CFAP91: variants seen among roughly 807,000 people sequenced by gnomAD.
CFAP91 encodes the protein cilia and flagella associated protein 91.
CFAP91 carries 85 observed loss-of-function variants against 95.9 expected under a neutral mutation model. The ratio of observed to expected loss-of-function variants is 0.89; its 90% CI spans 0.74 to 1.06. The LOEUF is 1.06. CFAP91 is among the 50% of genes least tolerant of loss of function. The pLI is 0.00. For missense variants in CFAP91, 962 were observed against 943.4 expected (o/e 1.02, Z -0.26); for synonymous variants, 335 against 327.5 (o/e 1.02, Z -0.25).
At chr3:119,753,256 A>T (rs1443315882) in intron 17 of CFAP91, among the ~76,000 whole-genome samples, 1 of 152,090 alleles carries the variant, frequency 6.6e-6, no homozygotes, top group African/African-American at 2.4e-5. Context: ...AACAAGGGGG[A>T]CAAAAAACTT....
intron 6 of CFAP91, among the ~76,000 whole-genome samples, chr3:119,725,639 C>T (rs1559754514): frequency 6.6e-6 from 1 of 151,914 alleles, no homozygotes; most frequent in Admixed American, 6.6e-5. Context: ...TGCCAGTAGT[C>T]CCAGCTACTT....
intron 10 of CFAP91, among the ~76,000 whole-genome samples, chr3:119,734,993 T>G (rs67809845): frequency 0.32 from 48,589 of 152,106 alleles, 9,485 homozygotes; most frequent in Non-Finnish European, 0.44. Context: ...GTAAATTTTT[T>G]TTTATAAATT....
At chr3:119,739,354 A>G (rs1333124371) in intron 12 of CFAP91, 28 bp downstream of exon 12, 1 of 1,607,536 alleles carries the variant, frequency 6.2e-7, no homozygotes, top group African/African-American at 1.3e-5. Flanking sequence ...CTGGCCCTGC[A>G]TTTCTCTTTT....
At chr3:119,727,747 G>C (rs1379335000) in intron 7 of CFAP91, among the ~76,000 whole-genome samples, 4 of 152,176 alleles carry the variant, frequency 2.6e-5, no homozygotes, top group Non-Finnish European at 5.9e-5. Context: ...CCAGGTGAAA[G>C]AACAGTTAGT....
chr3:119,732,621 T>C (rs141935252), intron 9 of CFAP91, 145 bp downstream of exon 9: 3 of 607,682 alleles, frequency 4.9e-6, no homozygotes, highest in Non-Finnish European at 5.6e-6. Flanking sequence ...CAATAAAAAC[T>C]ACTAAGACCC....
At chr3:119,763,815 T>C (rs2054580797) in intron 17 of CFAP91, among the ~76,000 whole-genome samples, 1 of 151,750 alleles carries the variant, frequency 6.6e-6, no homozygotes, top group Non-Finnish European at 1.5e-5. Flanking sequence ...AAGTAAAGAG[T>C]AGAATGTTGG....
intron 9 of CFAP91, among the ~76,000 whole-genome samples, chr3:119,732,833 T>C (rs573017953): frequency 6.6e-6 from 1 of 152,280 alleles, no homozygotes; most frequent in Non-Finnish European, 1.5e-5. Flanking sequence ...GTCAAAAAAC[T>C]AGTGGGCAAG....
chr3:119,727,142 C>T (rs1194582436), intron 7 of CFAP91, among the ~76,000 whole-genome samples: 4 of 152,194 alleles, frequency 2.6e-5, no homozygotes, highest in African/African-American at 9.7e-5. Flanking sequence ...GCTGTGCTGA[C>T]GCACTTTATT....
Position 119,732,282 on chromosome 3 carries a change from G to A in CFAP91, c.1019-12G>A, listed in dbSNP as rs375223778. 2.3e-5 allele frequency: 37 copies of A among 1,588,620 alleles called. No individual in the cohort carries two copies. In the African/African-American group the frequency reaches 4.6e-4, roughly 20 times the overall value. On this transcript the variant is annotated splice_polypyrimidine_tract_variant and intron_variant, in intron 8 of 17. Coordinates refer to ENST00000273390, the MANE Select transcript of CFAP91 (RefSeq NM_033364.4). Reference sequence around the variant, plus strand: ...ATTTTAGAGATAGTCATGGAGGTATGTTTTATTTCAGCAATCAGAAAACTT... The same window carrying A: ...ATTTTAGAGATAGTCATGGAGGTATATTTTATTTCAGCAATCAGAAAACTT...
chr3:119,733,322 C>T (rs754101086), intron 9 of CFAP91, 42 bp from the exon 10 acceptor site: 74 of 1,598,070 alleles, frequency 4.6e-5, no homozygotes, highest in Admixed American at 1.4e-4. Context: ...AAATAATAAA[C>T]GTAAGCACTG....
intron 14 of CFAP91, among the ~76,000 whole-genome samples, chr3:119,745,577 T>C (rs759008440): frequency 1.3e-4 from 20 of 152,236 alleles, no homozygotes; most frequent in Non-Finnish European, 2.5e-4. Context: ...TATACAGCTA[T>C]GGATGGACCA....
intron 17 of CFAP91, among the ~76,000 whole-genome samples, chr3:119,758,403 T>C (rs900597594): frequency 2.0e-5 from 3 of 152,226 alleles, no homozygotes; most frequent in Non-Finnish European, 4.4e-5. Context: ...TTTCCTATGC[T>C]ATGAAAAGTT....
chr3:119,739,876 T>C (rs1193478809), intron 12 of CFAP91, among the ~76,000 whole-genome samples: 1 of 152,296 alleles, frequency 6.6e-6, no homozygotes, highest in African/African-American at 2.4e-5. Context: ...GTAATCTGAG[T>C]CTGAGGGAGA....
At chr3:119,718,170 A>G (rs1344429968) in intron 6 of CFAP91, among the ~76,000 whole-genome samples, 2 of 152,234 alleles carry the variant, frequency 1.3e-5, no homozygotes, top group African/African-American at 4.8e-5. Context: ...TTTCTGAGTA[A>G]ACAGAAAATG....
chr3:119,708,625 T>A lies in CFAP91; in HGVS notation c.394T>A (p.Tyr132Asn). The change falls in exon 4 of 18, where the codon TAT becomes AAT. Residue 132 changes from tyrosine to asparagine, a missense_variant. By Grantham distance (143) the Tyr-to-Asn change is moderately radical (BLOSUM62 -2). Transcript: ENST00000273390. ...DASFQMPKEV[Y>N]EDPEVTGKNR... Reference sequence around the variant, plus strand: ...TTCTTTTCAGATGCCTAAAGAAGTTTATGAAGATCCTGAAGTTACTGGAAA... The same window carrying A: ...TTCTTTTCAGATGCCTAAAGAAGTTAATGAAGATCCTGAAGTTACTGGAAA... 6.2e-7 allele frequency: 1 copy of A among 1,607,460 alleles called. No homozygotes were observed.
Position 119,730,291 on chromosome 3 carries a change from A to C in CFAP91, c.932A>C (p.Asn311Thr), listed in dbSNP as rs749524313. Residue 311 changes from asparagine (N) to threonine (T), a missense_variant, in exon 8 of 18, where the codon AAT (asparagine) becomes ACT (threonine). By Grantham distance (65) the Asn-to-Thr change is moderately conservative (BLOSUM62 0). Coordinates refer to ENST00000273390, the MANE Select transcript of CFAP91 (RefSeq NM_033364.4). ...CGTGAAGAGAATCAGAATGAAGTGA[A>C]TATGAAGCACTTGAATGCCCGGTGG... ...RKREENQNEV[N>T]MKHLNARWSK... is the part of the protein sequence containing the mutation. 1.2e-5 allele frequency: 19 copies of C among 1,614,134 alleles called. No homozygotes were observed. In the Admixed American group the frequency reaches 3.0e-4, roughly 25 times the overall value.
chr3:119,725,465 A>T lies in CFAP91; in HGVS notation c.683-706A>T, dbSNP rs564840133. Among the ~76,000 whole-genome samples the T allele has an allele frequency of 6.6e-4, 101 of 152,318 alleles. 1 individual carries two copies. The highest frequency in any genetic ancestry group is 3.3e-3 in the Admixed American group (50 of 15,294). ...GTGTCTTCATTTTCTGTTATTTTTTAAAAAAGTATGTGGCCAAGTGGCTCA... is the reference window on the plus strand; with the variant it reads ...GTGTCTTCATTTTCTGTTATTTTTTTAAAAAGTATGTGGCCAAGTGGCTCA... On this transcript the variant is annotated intron_variant, in intron 6 of 17. Transcript: ENST00000273390.
At chr3:119,726,407 T>G (rs2053785342) in intron 7 of CFAP91, 59 bp downstream of exon 7, 4 of 1,455,304 alleles carry the variant, frequency 2.7e-6, no homozygotes, top group Non-Finnish European at 3.7e-6. Context: ...TGTTAATACT[T>G]TATATCTGCA....
Position 119,732,339 on chromosome 3 carries a change from T to A in CFAP91, c.1064T>A (p.Leu355Ter). 6.2e-7 allele frequency: 1 copy of A among 1,611,440 alleles called. No individual in the cohort carries two copies. The highest frequency in any genetic ancestry group is 1.1e-5 in the South Asian group (1 of 90,596). Residue 355 changes from leucine to a stop codon, truncating the protein, a stop_gained, in exon 9 of 18, where the codon TTG becomes TAG. Transcript: ENST00000273390. LOFTEE classifies it high-confidence loss of function. The stretch of plus-strand genomic sequence containing the variant: ...AAGAGAAAGAATATAGAAGGGAAGT[T>A]GGAGAGAAGAAATATCATCAAGGAT... ...VGKRKNIEGK[L>*]ERRNIIKDYS...
Sources: gnomAD v4.1 joint callset for allele counts (sites outside exome capture counted in the v4.1 genomes callset) on GRCh38, gnomAD v4.1.1 for gene constraint, MANE v1.5 for transcripts, NCBI Gene and HGNC (gene_info 2026-07-23, HGNC 2026-07-21) for gene names.